RBM6: variants seen among roughly 807,000 people sequenced by gnomAD.
RBM6 encodes the protein RNA-binding protein 6.
RBM6 carries 23 observed loss-of-function variants against 140.4 expected under a neutral mutation model. The ratio of observed to expected loss-of-function variants is 0.16; its 90% CI spans 0.12 to 0.23. The LOEUF is 0.23. Ranked by LOEUF, RBM6 falls within the 10% of genes least tolerant of loss-of-function variation. RBM6 has a pLI of 1.00. For synonymous variants in RBM6, 439 were observed against 475.6 expected (o/e 0.92, Z 1.00); for missense variants, 1,139 against 1,386.7 (o/e 0.82, Z 2.84).
chr3:49,968,164 T>G lies in RBM6; in HGVS notation c.739T>G (p.Phe247Val). ...AGGTTCAGGTACTACTGATCTAGAC[T>G]TTAGGGACAGGGATACGCCACATTC... Reference protein sequence around the residue: ...GRGSGTTDLDFRDRDTPHSDF... With the variant: ...GRGSGTTDLDVRDRDTPHSDF... The change falls in exon 3 of 21, where the codon TTT becomes GTT. Residue 247 changes from phenylalanine to valine, a missense_variant. Coordinates refer to ENST00000266022, the MANE Select transcript of RBM6 (RefSeq NM_005777.3). 6.2e-7 allele frequency: 1 copy of G among 1,614,134 alleles called. No individual in the cohort carries two copies. Among genetic ancestry groups the G allele is most frequent in the South Asian group, 1.1e-5 (1 of 91,082 alleles).
At chr3:50,027,957 C>T (rs1452427540) in intron 6 of RBM6, among the ~76,000 whole-genome samples, 1 of 152,070 alleles carries the variant, frequency 6.6e-6, no homozygotes, top group African/African-American at 2.4e-5. Context: ...ATGGCATACT[C>T]ATACATTAGA....
At chr3:50,067,687 G>A (rs1388227124) in intron 17 of RBM6, among the ~76,000 whole-genome samples, 1 of 152,184 alleles carries the variant, frequency 6.6e-6, no homozygotes, top group African/African-American at 2.4e-5. Flanking sequence ...TATATGAACT[G>A]ACCAAGGATC....
At chr3:50,073,230 A>G (rs1319175194) in intron 19 of RBM6, among the ~76,000 whole-genome samples, 17 of 152,222 alleles carry the variant, frequency 1.1e-4, no homozygotes. Context: ...TTATGATACC[A>G]TAACTGAATA....
chr3:49,982,378 G>A (rs1160223907), intron 5 of RBM6, among the ~76,000 whole-genome samples: 1 of 150,130 alleles, frequency 6.7e-6, no homozygotes, highest in Non-Finnish European at 1.5e-5. Flanking sequence ...GAGTAGCTGG[G>A]ACTACAGGCG....
At chr3:49,990,014 T>A (rs1189243929) in intron 5 of RBM6, among the ~76,000 whole-genome samples, 1 of 152,234 alleles carries the variant, frequency 6.6e-6, no homozygotes, top group African/African-American at 2.4e-5. Flanking sequence ...CCCAAAGTGC[T>A]GGGATTACAG....
chr3:49,943,506 G>T (rs1483838216), intron 1 of RBM6, among the ~76,000 whole-genome samples: 1 of 151,996 alleles, frequency 6.6e-6, no homozygotes, highest in Non-Finnish European at 1.5e-5. Flanking sequence ...ATGAAGTCTT[G>T]CCTTGTTGTC....
chr3:49,975,364 G>T lies in RBM6; in HGVS notation c.1455G>T (p.Lys485Asn), dbSNP rs752163978. 6.2e-7 allele frequency: 1 copy of T among 1,613,936 alleles called. No homozygotes were observed. Among genetic ancestry groups the T allele is most frequent in the Admixed American group, 1.7e-5 (1 of 60,022 alleles). Residue 485 changes from lysine to asparagine, a missense_variant, in exon 5 of 21, where the codon AAG becomes AAT. Lys to Asn is a moderately conservative substitution (Grantham distance 94). This residue lies in a region of RBM6 where 566 missense variants were observed against 612.7 expected (regional missense o/e 0.92). Coordinates refer to ENST00000266022, the MANE Select transcript of RBM6 (RefSeq NM_005777.3). ...GGACTCCTGATGGCATGCCTGTAAA[G>T]AACTTGCAGTTGAAGGAGTATAACA... ...AFRTPDGMPV[K>N]NLQLKEYNTG...
chr3:49,950,954 A>G (rs2108583845), intron 1 of RBM6, among the ~76,000 whole-genome samples: 1 of 152,278 alleles, frequency 6.6e-6, no homozygotes, highest in Non-Finnish European at 1.5e-5. Flanking sequence ...CCAACTATTC[A>G]TTGATGGATG....
At chr3:50,076,985 C>T (rs2090482629) in intron 20 of RBM6, 23 bp from the exon 21 acceptor site, 12 of 1,597,528 alleles carry the variant, frequency 7.5e-6, no homozygotes, top group Non-Finnish European at 1.0e-5. Context: ...GGGCCCACTT[C>T]ATAGTTTGTC....
At chr3:50,032,318 T>TA (rs200013086) in intron 6 of RBM6, among the ~76,000 whole-genome samples, 4,202 of 151,280 alleles carry the variant, frequency 0.028, 147 homozygotes, top group African/African-American at 0.082. Context: ...CCATCTCTAC[T>TA]AAAAAAAATA....
At chr3:49,947,961 G>T (rs974256751) in intron 1 of RBM6, among the ~76,000 whole-genome samples, 1 of 152,186 alleles carries the variant, frequency 6.6e-6, no homozygotes, top group Admixed American at 6.6e-5. Flanking sequence ...GGGCATGGTG[G>T]TGCCTGGCTG....
chr3:50,066,457 T>C lies in RBM6; in HGVS notation c.2898T>C (p.Asn966=), dbSNP rs1575867367. 1.2e-6 allele frequency: 2 copies of C among 1,613,614 alleles called. No individual in the cohort carries two copies. The highest frequency in any genetic ancestry group is 1.7e-5 in the Admixed American group (1 of 59,992). ...TGCTTTGCAGAAGGCAGTTTCCCAATAAAGAAGTTCTGATCAAACACCAGC... is the reference window on the plus strand; with the variant it reads ...TGCTTTGCAGAAGGCAGTTTCCCAACAAAGAAGTTCTGATCAAACACCAGC... ...ACLLCRRQFP[N]KEVLIKHQQL... The change falls in exon 17 of 21, where the codon AAT becomes AAC. Residue 966 remains asparagine (N), a synonymous_variant. Transcript: ENST00000266022.
intron 6 of RBM6, among the ~76,000 whole-genome samples, chr3:50,008,613 G>T (rs2353586): frequency 0.48 from 69,913 of 144,326 alleles, 18,002 homozygotes; most frequent in East Asian, 0.86. Context: ...GAGTGCAGTG[G>T]TGTGATCTGG....
chr3:50,027,466 A>G (rs2087905823), intron 6 of RBM6, among the ~76,000 whole-genome samples: 1 of 152,196 alleles, frequency 6.6e-6, no homozygotes, highest in South Asian at 2.1e-4. Context: ...AAAAGAAACT[A>G]TATATCCATT....
At chr3:50,073,732 G>A (rs541908798) in intron 19 of RBM6, among the ~76,000 whole-genome samples, 9 of 152,184 alleles carry the variant, frequency 5.9e-5, no homozygotes, top group East Asian at 5.8e-4. Flanking sequence ...TTTACAAACC[G>A]TATACCTTGC....
At position 49,968,691 on chromosome 3, in the gene RBM6, C is replaced by G. The variant is rs774856219; in HGVS notation, c.1266C>G (p.Gly422=). The change falls in exon 3 of 21, where the codon GGC becomes GGG. Residue 422 remains glycine, a synonymous_variant. Transcript: ENST00000266022. ...RLPGSQMFGY[G]QSKSFPEGKT... is the part of the protein sequence containing the mutation. ...CAGGAAGCCAGATGTTTGGCTATGG[C>G]CAGAGCAAGTCTTTTCCAGAGGGCA... 2 of 1,613,114 alleles carry G rather than the reference C, an allele frequency of 1.2e-6. No individual in the cohort carries two copies. Among genetic ancestry groups the G allele is most frequent in the Non-Finnish European group, 8.5e-7 (1 of 1,179,724 alleles).
At chr3:49,984,276 A>G (rs1424139610) in intron 5 of RBM6, among the ~76,000 whole-genome samples, 1 of 151,942 alleles carries the variant, frequency 6.6e-6, no homozygotes. Context: ...GCACTCCAGC[A>G]TGGGCAACAG....
At chr3:50,057,680 T>C in intron 8 of RBM6, 48 bp from the exon 9 acceptor site, 2 of 1,501,850 alleles carry the variant, frequency 1.3e-6, no homozygotes, top group Non-Finnish European at 1.8e-6. Context: ...CTTTTTTTTT[T>C]TTTTTGATAA....
chr3:49,986,544 G>A (rs1488278944), intron 5 of RBM6, among the ~76,000 whole-genome samples: 2 of 148,518 alleles, frequency 1.3e-5, no homozygotes, highest in African/African-American at 2.5e-5. Flanking sequence ...GCAGTGAGCC[G>A]AGATAGCGCC....
Sources: gnomAD v4.1 joint callset for allele counts (sites outside exome capture counted in the v4.1 genomes callset) on GRCh38, gnomAD v4.1.1 for gene constraint, gnomAD v4.1.1 regional missense constraint, MANE v1.5 for transcripts, NCBI Gene and HGNC (gene_info 2026-07-23, HGNC 2026-07-21) for gene names.